PCSK5: variants seen among roughly 807,000 people sequenced by gnomAD.
PCSK5 encodes the protein proprotein convertase subtilisin/kexin type 5, also known as prohormone convertase 5.
In PCSK5, 129 loss-of-function variants were observed where a neutral mutation model predicts 233.2. That is an observed-to-expected ratio of 0.55 (90% CI 0.48 to 0.64). PCSK5 has a LOEUF of 0.64. Ranked by LOEUF, PCSK5 falls within the 30% of genes least tolerant of loss-of-function variation. PCSK5 has a pLI of 0.00. For synonymous variants in PCSK5, 825 were observed against 879.2 expected, an observed-to-expected ratio of 0.94 and a Z score of 1.09; for missense variants, 2,076 against 2,430.1, an observed-to-expected ratio of 0.85 and a Z score of 3.06.
chr9:76,209,615 CTTATT>C, intron 20 of PCSK5: 1 of 493,724 alleles, frequency 2.0e-6, no homozygotes, highest in South Asian at 1.5e-5. Context: ...CAATAGTCAA[CTTATT>C]TATTTACCAA....
At chr9:76,314,889 C>T (rs1187925251) in intron 30 of PCSK5, among the ~76,000 whole-genome samples, 1 of 151,796 alleles carries the variant, frequency 6.6e-6, no homozygotes, top group Non-Finnish European at 1.5e-5. Flanking sequence ...ATCCGACCAC[C>T]GTGGCCTCCC....
intron 7 of PCSK5, among the ~76,000 whole-genome samples, chr9:76,091,897 C>G (rs1831304797): frequency 6.6e-6 from 1 of 152,166 alleles, no homozygotes; most frequent in Non-Finnish European, 1.5e-5. Context: ...CTCAAATTAT[C>G]TGTTCGACAC....
rs2803429 is a variant in PCSK5, at chr9:76,323,270, G to C, written c.4321G>C (p.Glu1441Gln). Reference sequence around the variant, plus strand: ...TCCAGCAGGAACCTATTATGAAAAGGAGACTAAGGAGTGCAGAGGTAAAGA... The same window carrying C: ...TCCAGCAGGAACCTATTATGAAAAGCAGACTAAGGAGTGCAGAGGTAAAGA... ...ECPAGTYYEK[E>Q]TKECRDCHKS... Residue 1441 changes from glutamate to glutamine, a missense_variant, in exon 32 of 38, where the codon GAG becomes CAG. Glu to Gln is a conservative substitution (Grantham distance 29). Transcript: ENST00000674117. The C allele has an allele frequency of 0.34, 540,952 of 1,604,334 alleles. 93,578 individuals are homozygous for C. The highest frequency in any genetic ancestry group is 0.44 in the African/African-American group (33,001 of 74,724).
At chr9:76,157,853 G>A (rs1012066770) in intron 11 of PCSK5, among the ~76,000 whole-genome samples, 2 of 152,314 alleles carry the variant, frequency 1.3e-5, no homozygotes, top group South Asian at 4.1e-4. Flanking sequence ...AAACAAAAGG[G>A]TGGAAAGTTA....
At chr9:76,017,292 T>A (rs1317191469) in intron 3 of PCSK5, among the ~76,000 whole-genome samples, 1 of 152,164 alleles carries the variant, frequency 6.6e-6, no homozygotes, top group Admixed American at 6.5e-5. Context: ...TTTGCCAATC[T>A]ATCTCTCCAG....
At chr9:76,134,296 C>A (rs552497204) in intron 10 of PCSK5, 84 bp downstream of exon 10, 1 of 762,436 alleles carries the variant, frequency 1.3e-6, no homozygotes, top group South Asian at 1.9e-5. Flanking sequence ...AACAGAACCC[C>A]TCAAACGAAA....
chr9:76,310,782 A>C lies in PCSK5; in HGVS notation c.3815A>C (p.Lys1272Thr). 1.9e-6 allele frequency: 3 copies of C among 1,612,290 alleles called. No individual in the cohort carries two copies. The highest frequency in any genetic ancestry group is 2.5e-6 in the Non-Finnish European group (3 of 1,179,674). ...ATCTGCTCTGGAGCCGATCTTTGCA[A>C]AAAATGCCAGATGCAGCCGGGCCAC... is the stretch of plus-strand genomic sequence containing the variant. ...CAICSGADLC[K>T]KCQMQPGHPL... The change falls in exon 30 of 38, where the codon AAA (lysine) becomes ACA (threonine). Residue 1272 changes from lysine (K) to threonine (T), a missense_variant. Physicochemically the swap from Lys to Thr is moderately conservative, Grantham distance 78 (BLOSUM62 -1). Transcript: ENST00000674117.
intron 3 of PCSK5, among the ~76,000 whole-genome samples, chr9:76,016,131 A>T (rs569313653): frequency 2.6e-5 from 4 of 152,354 alleles, no homozygotes; most frequent in African/African-American, 9.6e-5. Flanking sequence ...ATGTTCCCAC[A>T]GTATCCTGAC....
chr9:76,035,538 G>A (rs150049135), intron 5 of PCSK5, among the ~76,000 whole-genome samples: 16 of 152,276 alleles, frequency 1.1e-4, no homozygotes, highest in Non-Finnish European at 1.5e-5. Flanking sequence ...TGAGGTATGA[G>A]TGTAATTTGT....
chr9:76,351,453 A>G (rs1433964196), intron 36 of PCSK5, among the ~76,000 whole-genome samples: 1 of 19,950 alleles, frequency 5.0e-5, no homozygotes, highest in Non-Finnish European at 1.1e-4. Flanking sequence ...GAAAGGAAAG[A>G]AAGAAAGAAA....
chr9:76,052,303 C>T (rs952958090), intron 5 of PCSK5, among the ~76,000 whole-genome samples: 3 of 152,230 alleles, frequency 2.0e-5, no homozygotes, highest in East Asian at 1.9e-4. Context: ...TCTGTTCTCA[C>T]GCTGCCAATA....
chr9:76,063,818 C>A (rs1451753090), intron 5 of PCSK5, among the ~76,000 whole-genome samples: 1 of 49,176 alleles, frequency 2.0e-5, no homozygotes, highest in Non-Finnish European at 3.4e-5. Context: ...CATTGTCATC[C>A]TGGCCCGTTC....
chr9:76,193,319 A>T, intron 20 of PCSK5: 1 of 1,612,536 alleles, frequency 6.2e-7, no homozygotes, highest in Non-Finnish European at 8.5e-7. Flanking sequence ...TTCTTCAACA[A>T]CTTTGCTGCA....
intron 1 of PCSK5, among the ~76,000 whole-genome samples, chr9:75,923,593 G>A (rs1823349513): frequency 6.6e-6 from 1 of 152,186 alleles, no homozygotes; most frequent in African/African-American, 2.4e-5. Context: ...AGTCTTTCTA[G>A]TTTAATTTCC....
intron 20 of PCSK5, among the ~76,000 whole-genome samples, chr9:76,199,507 G>T (rs1472230125): frequency 6.6e-6 from 1 of 152,144 alleles, no homozygotes; most frequent in African/African-American, 2.4e-5. Context: ...CTAGGATCTT[G>T]AGAATCTTCA....
At position 76,071,897 on chromosome 9, in the gene PCSK5, T is replaced by C. The variant is rs1168241473; in HGVS notation, c.893T>C (p.Met298Thr). 1 of 1,613,542 alleles carries C rather than the reference T, an allele frequency of 6.2e-7. No individual in the cohort carries two copies. Among genetic ancestry groups the C allele is most frequent in the East Asian group, 2.2e-5 (1 of 44,882 alleles). ...CAAGCCTTTGAAAACGGCGTTAGAA[T>C]GGTAGGTTTTAAAAGCATGGAGGCT... Reference protein sequence around the residue: ...TRQAFENGVRMGRRGLGSVFV... With the variant: ...TRQAFENGVRTGRRGLGSVFV... The change falls in exon 7 of 38, where the codon ATG becomes ACG. Residue 298 changes from methionine to threonine, a missense_variant and splice_region_variant. By Grantham distance (81) the Met-to-Thr change is moderately conservative (BLOSUM62 -1). Transcript: ENST00000674117.
At position 76,145,270 on chromosome 9, in the gene PCSK5, T is replaced by C. The variant is rs549323193; in HGVS notation, c.1312+11058T>C. 4.6e-5 allele frequency among the ~76,000 whole-genome samples: 7 copies of C among 152,308 alleles called. No individual in the cohort carries two copies. The South Asian group carries it at 1.5e-3, about 32-fold the overall frequency. ...CTATAATTCTTTTCAGGTACTTTTT[T>C]TTACATTCAACAAAAATGATGGAAG... On this transcript the variant is annotated intron_variant, in intron 10 of 37. Transcript: ENST00000674117.
chr9:76,279,672 A>G (rs1220762858), intron 24 of PCSK5, among the ~76,000 whole-genome samples: 1 of 152,034 alleles, frequency 6.6e-6, no homozygotes, highest in Non-Finnish European at 1.5e-5. Context: ...AGTGATGATG[A>G]GCATTTTTTC....
At chr9:76,195,470 A>C (rs1824650085) in intron 20 of PCSK5, 1 of 152,210 alleles carries the variant, frequency 6.6e-6, no homozygotes, top group Admixed American at 6.5e-5. Context: ...CTGACCATGC[A>C]GGTGCACGTC....
Sources: allele counts gnomAD v4.1 joint callset (sites outside exome capture counted in the v4.1 genomes callset), GRCh38; gene constraint gnomAD v4.1.1; transcripts MANE v1.5; gene names NCBI Gene and HGNC (gene_info 2026-07-23, HGNC 2026-07-21).